EXOC4: variants seen among roughly 807,000 people sequenced by gnomAD.
The protein encoded by EXOC4 is exocyst complex component 4.
A neutral mutation model predicts 107.2 loss-of-function variants in EXOC4; 71 were observed. The ratio of observed to expected loss-of-function variants is 0.66; its 90% CI spans 0.55 to 0.81. The LOEUF (loss-of-function observed/expected upper bound fraction) is 0.81, where lower values mean the gene tolerates loss of function less well. Among genes scored for constraint, EXOC4 ranks in the 30% least tolerant of loss-of-function variants. The pLI, the probability that EXOC4 is intolerant of heterozygous loss-of-function variation, is 0.00. For synonymous variants in EXOC4, 456 were observed against 441.2 expected (o/e 1.03, Z -0.42); for missense variants, 1,108 against 1,189.6 (o/e 0.93, Z 1.01).
intron 5 of EXOC4, among the ~76,000 whole-genome samples, chr7:133,319,904 A>G (rs1050104678): frequency 2.0e-5 from 3 of 146,720 alleles, no homozygotes; most frequent in African/African-American, 7.7e-5. Context: ...GATTAAAGTC[A>G]ATAATAGCAG....
intron 11 of EXOC4, among the ~76,000 whole-genome samples, chr7:133,845,430 A>C (rs1240615829): frequency 1.4e-5 from 2 of 147,884 alleles, no homozygotes; most frequent in Non-Finnish European, 3.0e-5. Flanking sequence ...TCTTATATAT[A>C]CTAGATATAT....
At chr7:133,253,642 C>A in intron 1 of EXOC4, 1 of 423,504 alleles carries the variant, frequency 2.4e-6, no homozygotes. Context: ...TTTTCACACT[C>A]TGGATACTTT....
intron 9 of EXOC4, among the ~76,000 whole-genome samples, chr7:133,589,217 G>GTA (rs1397132471): frequency 2.0e-5 from 3 of 152,068 alleles, no homozygotes; most frequent in Non-Finnish European, 4.4e-5. Flanking sequence ...GGCCTTTAAA[G>GTA]ATTTTTCAAG....
intron 10 of EXOC4, among the ~76,000 whole-genome samples, chr7:133,813,497 CTTTTGG>C (rs1797286833): frequency 6.6e-6 from 1 of 152,074 alleles, no homozygotes; most frequent in Non-Finnish European, 1.5e-5. Context: ...CAGTGGTTTT[CTTTTGG>C]AAGGCAACCA....
At chr7:133,422,567 A>G (rs1182243561) in intron 7 of EXOC4, among the ~76,000 whole-genome samples, 1 of 152,230 alleles carries the variant, frequency 6.6e-6, no homozygotes, top group Non-Finnish European at 1.5e-5. Flanking sequence ...CAGTGAAATT[A>G]TAGTCAAACT....
At chr7:133,983,202 G>A (rs1794035914) in intron 14 of EXOC4, among the ~76,000 whole-genome samples, 2 of 152,070 alleles carry the variant, frequency 1.3e-5, no homozygotes, top group South Asian at 2.1e-4. Flanking sequence ...TGTGAGGATG[G>A]CACCAAGCCC....
At chr7:133,356,619 A>G (rs1424016816) in intron 6 of EXOC4, 46 bp downstream of exon 6, 2 of 1,603,414 alleles carry the variant, frequency 1.2e-6, no homozygotes, top group Non-Finnish European at 1.7e-6. Context: ...TATTTATTGC[A>G]CATTTTCTAG....
intron 9 of EXOC4, among the ~76,000 whole-genome samples, chr7:133,541,261 G>A (rs1454831053): frequency 6.6e-6 from 1 of 152,120 alleles, no homozygotes; most frequent in Non-Finnish European, 1.5e-5. Flanking sequence ...CCGTTTCTGA[G>A]AACCTATGCC....
At chr7:133,320,898 A>G (rs1795095171) in intron 5 of EXOC4, among the ~76,000 whole-genome samples, 1 of 152,214 alleles carries the variant, frequency 6.6e-6, no homozygotes, top group East Asian at 1.9e-4. Flanking sequence ...ATATACTATA[A>G]TAAAAAGCAG....
At chr7:133,930,044 T>A (rs1439224713) in intron 13 of EXOC4, among the ~76,000 whole-genome samples, 3 of 152,232 alleles carry the variant, frequency 2.0e-5, no homozygotes, top group Non-Finnish European at 4.4e-5. Flanking sequence ...AGTTCAATGC[T>A]ATATAAAGTA....
chr7:133,275,056 G>T lies in EXOC4; in HGVS notation c.161G>T (p.Cys54Phe). 6.2e-7 allele frequency: 1 copy of T among 1,613,866 alleles called. No individual in the cohort carries two copies. The highest frequency in any genetic ancestry group is 8.5e-7 in the Non-Finnish European group (1 of 1,179,808). The change falls in exon 2 of 18, where the codon TGT (cysteine) becomes TTT (phenylalanine). Residue 54 changes from cysteine to phenylalanine, a missense_variant. Physicochemically the swap from Cys to Phe is radical, Grantham distance 205. Transcript: ENST00000253861. ...KGRLEEAYEK[C>F]DRDLDELIVQ... ...CGCCTTGAAGAAGCCTACGAGAAAT[G>T]TGACCGTGACCTGGATGAATTGATT...
intron 5 of EXOC4, among the ~76,000 whole-genome samples, chr7:133,354,979 C>T (rs1050244575): frequency 1.3e-5 from 2 of 152,068 alleles, no homozygotes; most frequent in African/African-American, 2.4e-5. Flanking sequence ...CCAGAATCCT[C>T]CTTAAGAGCG....
chr7:133,968,231 G>A (rs1490390939), intron 14 of EXOC4, among the ~76,000 whole-genome samples: 1 of 152,016 alleles, frequency 6.6e-6, no homozygotes, highest in Non-Finnish European at 1.5e-5. Context: ...GAGCCTATGT[G>A]TGTCTTTGCA....
At chr7:133,411,385 T>C (rs1255245959) in intron 7 of EXOC4, among the ~76,000 whole-genome samples, 8 of 152,268 alleles carry the variant, frequency 5.3e-5, no homozygotes, top group East Asian at 1.9e-4. Flanking sequence ...TAGATCCTCA[T>C]TGAATCATTT....
At chr7:133,864,100 G>A (rs545078193) in intron 11 of EXOC4, among the ~76,000 whole-genome samples, 112 of 152,214 alleles carry the variant, frequency 7.4e-4, no homozygotes, top group African/African-American at 1.1e-3. Flanking sequence ...ATAAATAACC[G>A]TGCTAAAATA....
At chr7:133,709,240 G>A (rs1364035551) in intron 10 of EXOC4, among the ~76,000 whole-genome samples, 1 of 152,218 alleles carries the variant, frequency 6.6e-6, no homozygotes, top group Non-Finnish European at 1.5e-5. Flanking sequence ...ATTGATGGAG[G>A]TGCTGTAGAA....
At chr7:133,563,590 T>G (rs1388502124) in intron 9 of EXOC4, among the ~76,000 whole-genome samples, 1 of 151,978 alleles carries the variant, frequency 6.6e-6, no homozygotes, top group African/African-American at 2.4e-5. Context: ...AGAGTTGAAT[T>G]TAATCTACAC....
intron 10 of EXOC4, among the ~76,000 whole-genome samples, chr7:133,806,955 G>T (rs1797090525): frequency 6.6e-6 from 1 of 152,198 alleles, no homozygotes; most frequent in African/African-American, 2.4e-5. Flanking sequence ...GAACTGTGCA[G>T]GTCCACTTCT....
At position 133,905,665 on chromosome 7, in the gene EXOC4, GCT is replaced by G. The variant is rs566006766; in HGVS notation, c.1871+9935_1871+9936del. ...TTTCTTGGAGGTGGGGGATAAGGAG[GCT>G]CTCTGCCTTGTGTTGGGCCTGGCAG... On this transcript the variant is annotated intron_variant, in intron 12 of 17. Coordinates refer to ENST00000253861, the MANE Select transcript of EXOC4 (RefSeq NM_021807.4). 6.6e-5 allele frequency among the ~76,000 whole-genome samples: 10 copies of G among 152,168 alleles called. No individual in the cohort carries two copies. The East Asian group carries it at 1.9e-3, about 29-fold the overall frequency.
Sources: allele counts gnomAD v4.1 joint callset (sites outside exome capture counted in the v4.1 genomes callset), GRCh38; gene constraint gnomAD v4.1.1; transcripts MANE v1.5; gene names NCBI Gene and HGNC (gene_info 2026-07-23, HGNC 2026-07-21).